Variants in BCAS4 observed in about 807,000 individuals in gnomAD.
BCAS4 encodes the protein breast carcinoma amplified sequence 4, also known as breast carcinoma-amplified sequence 4.
BCAS4 carries 9 observed loss-of-function variants against 15.7 expected under a neutral mutation model. That is an observed-to-expected ratio of 0.57 (90% confidence interval 0.34 to 1.00). BCAS4 has a LOEUF of 1.00. BCAS4 is among the 50% of genes least tolerant of loss of function. BCAS4 has a pLI of 0.02. For synonymous variants in BCAS4, 101 were observed against 99.5 expected (o/e 1.02, Z -0.09); for missense variants, 225 against 239.1 (o/e 0.94, Z 0.39).
At chr20:50,837,377 A>G (rs62205168) in intron 3 of BCAS4, among the ~76,000 whole-genome samples, 1 of 152,016 alleles carries the variant, frequency 6.6e-6, no homozygotes, top group African/African-American at 2.4e-5. Flanking sequence ...ACTTGAGCGC[A>G]GGAGTTCAAG....
At chr20:50,864,289 C>T (rs1466079607) in intron 4 of BCAS4, among the ~76,000 whole-genome samples, 4 of 152,080 alleles carry the variant, frequency 2.6e-5, no homozygotes, top group East Asian at 1.9e-4. Context: ...AGCATCACGC[C>T]GGGGAGTGAG....
At chr20:50,842,627 A>G (rs1453800654) in intron 4 of BCAS4, among the ~76,000 whole-genome samples, 4 of 152,240 alleles carry the variant, frequency 2.6e-5, no homozygotes, top group Non-Finnish European at 4.4e-5. Context: ...CATGTTGGCC[A>G]GGCTGGTCTC....
intron 4 of BCAS4, among the ~76,000 whole-genome samples, chr20:50,863,968 G>A (rs969663769): frequency 8.5e-5 from 13 of 152,306 alleles, no homozygotes; most frequent in South Asian, 2.1e-4. Context: ...TTCTACCACC[G>A]TTGCCACCCC....
chr20:50,827,718 G>A (rs561594719), intron 2 of BCAS4, among the ~76,000 whole-genome samples: 7 of 152,038 alleles, frequency 4.6e-5, no homozygotes, highest in African/African-American at 9.7e-5. Context: ...TCTCATGGGA[G>A]CCCCACTTGA....
chr20:50,842,312 C>A (rs1458211364), intron 4 of BCAS4, among the ~76,000 whole-genome samples: 1 of 152,214 alleles, frequency 6.6e-6, no homozygotes, highest in Non-Finnish European at 1.5e-5. Flanking sequence ...GGCGTCCCTC[C>A]TGCATATGGC....
intron 2 of BCAS4, among the ~76,000 whole-genome samples, chr20:50,821,110 G>A (rs2123779105): frequency 6.6e-6 from 1 of 152,322 alleles, no homozygotes; most frequent in Non-Finnish European, 1.5e-5. Context: ...AGTGCTGGCT[G>A]CTCCCGGGGA....
intron 1 of BCAS4, among the ~76,000 whole-genome samples, chr20:50,795,714 T>C (rs2087847592): frequency 6.6e-6 from 1 of 152,240 alleles, no homozygotes; most frequent in Non-Finnish European, 1.5e-5. Context: ...TTGTCTGAGT[T>C]CACTAGGAGT....
At chr20:50,819,268 T>C (rs1258173618) in intron 2 of BCAS4, among the ~76,000 whole-genome samples, 1 of 150,912 alleles carries the variant, frequency 6.6e-6, no homozygotes, top group Non-Finnish European at 1.5e-5. Context: ...CCCCCAGGAG[T>C]GCTGATAGAA....
At position 50,851,581 on chromosome 20, in the gene BCAS4, G is replaced by A. The variant is rs1978422687; in HGVS notation, c.399+9681G>A. Among the ~76,000 whole-genome samples, 3 of 152,140 alleles carry A rather than the reference G, an allele frequency of 2.0e-5. No homozygotes were observed. The South Asian group carries it at 6.2e-4, about 32-fold the overall frequency. On this transcript the variant is annotated intron_variant, in intron 4 of 4. Coordinates refer to ENST00000371608, the MANE Select transcript of BCAS4 (RefSeq NM_198799.4). This position sits in a 1 kb window ranked among gnomAD's most constrained non-coding sequence, Gnocchi z 4.3. ...GGGTGCTGTTTGTTGGGCCCTATGTGGAAGCACCCCAACTTTGCCCTGGTT... is the reference window on the plus strand; with the variant it reads ...GGGTGCTGTTTGTTGGGCCCTATGTAGAAGCACCCCAACTTTGCCCTGGTT...
chr20:50,864,695 G>A (rs146609838), intron 4 of BCAS4, among the ~76,000 whole-genome samples: 136 of 151,828 alleles, frequency 9.0e-4, no homozygotes, highest in African/African-American at 3.0e-3. Context: ...TGCCCGCCTC[G>A]GCCTCTCAAA....
intron 3 of BCAS4, among the ~76,000 whole-genome samples, 186 bp downstream of exon 3, chr20:50,830,566 C>T (rs1254580987): frequency 6.6e-6 from 1 of 152,128 alleles, no homozygotes; most frequent in Non-Finnish European, 1.5e-5. Context: ...AATTTGTTTC[C>T]AGGCCAGGTG....
downstream of BCAS4, chr20:50,881,030 C>T (rs1294860731): frequency 6.6e-6 from 1 of 152,042 alleles, no homozygotes; most frequent in Non-Finnish European, 1.5e-5. Context: ...CTCAGGAGTT[C>T]AAGACCAGCA....
At chr20:50,823,958 G>A (rs564800725) in intron 2 of BCAS4, among the ~76,000 whole-genome samples, 36 of 152,212 alleles carry the variant, frequency 2.4e-4, no homozygotes, top group African/African-American at 7.7e-4. Flanking sequence ...GTTAAAGATC[G>A]TTGCTGAGCA....
chr20:50,795,767 A>G (rs1281285649), intron 1 of BCAS4, among the ~76,000 whole-genome samples: 1 of 152,244 alleles, frequency 6.6e-6, no homozygotes, highest in East Asian at 1.9e-4. Context: ...TTTAAACCAC[A>G]AAAGCAGTAC....
At chr20:50,849,525 C>T (rs2088584699) in intron 4 of BCAS4, among the ~76,000 whole-genome samples, 1 of 152,206 alleles carries the variant, frequency 6.6e-6, no homozygotes, top group Non-Finnish European at 1.5e-5. Flanking sequence ...TGAGATGTCA[C>T]CTGGTCCCAC....
chr20:50,817,274 C>T (rs1277839050), intron 1 of BCAS4, among the ~76,000 whole-genome samples: 3 of 152,172 alleles, frequency 2.0e-5, no homozygotes. Flanking sequence ...TTCAAGTTTC[C>T]CTTGTCAGAG....
intron 4 of BCAS4, among the ~76,000 whole-genome samples, chr20:50,859,586 C>T (rs575265193): frequency 1.4e-5 from 2 of 137,996 alleles, no homozygotes; most frequent in East Asian, 5.0e-4. Flanking sequence ...GTGGGAGGCT[C>T]AGCCTGGAGG....
intron 2 of BCAS4, among the ~76,000 whole-genome samples, chr20:50,829,818 G>T (rs190928218): frequency 6.6e-6 from 1 of 151,972 alleles, no homozygotes; most frequent in African/African-American, 2.4e-5. Context: ...CAGTGCCTGC[G>T]TGTCGGAAGC....
intron 3 of BCAS4, among the ~76,000 whole-genome samples, chr20:50,833,895 G>C (rs1333176833): frequency 2.0e-5 from 3 of 152,292 alleles, no homozygotes; most frequent in Non-Finnish European, 2.9e-5. Context: ...AAGGGGTCCT[G>C]GCCAGAGCTG....
Sources: allele counts gnomAD v4.1 joint callset (sites outside exome capture counted in the v4.1 genomes callset), GRCh38; gene constraint gnomAD v4.1.1; non-coding constraint Gnocchi (gnomAD v3.1); transcripts MANE v1.5; gene names NCBI Gene and HGNC (gene_info 2026-07-23, HGNC 2026-07-21).